The following PIK3AP1 variants were observed in gnomAD, a reference collection of about 807,000 sequenced individuals.
PIK3AP1 encodes phosphoinositide 3-kinase adapter protein 1.
Under a neutral mutation model 88.1 loss-of-function variants are expected in PIK3AP1, and 21 were observed. The observed-to-expected ratio is 0.24, with a 90% CI of 0.17 to 0.34. PIK3AP1 has a LOEUF of 0.34. Among genes scored for constraint, PIK3AP1 ranks in the 10% least tolerant of loss-of-function variants. PIK3AP1 has a pLI of 1.00. For synonymous variants in PIK3AP1, 398 were observed against 400.0 expected, an observed-to-expected ratio of 1.00 and a Z score of 0.06; for missense variants, 828 against 1,035.7, an observed-to-expected ratio of 0.80 and a Z score of 2.75.
chr10:96,645,594 C>T lies in PIK3AP1; in HGVS notation c.1254G>A (p.Val418=). The change falls in exon 8 of 17, where the codon GTG becomes GTA. Residue 418 remains valine, a synonymous_variant. Transcript: ENST00000339364. ...ELMHGEEADA[V]YESMAHLSTD... ...TGGAAAGGTGGGCCATGGACTCGTA[C>T]ACAGCATCAGCCTCCTCCCCGTGCA... The T allele has an allele frequency of 1.9e-6, 3 of 1,613,660 alleles. No individual in the cohort carries two copies. The highest frequency in any genetic ancestry group is 1.7e-6 in the Non-Finnish European group (2 of 1,179,794).
rs1044994969 is a variant in PIK3AP1, at chr10:96,709,598, G to A, written c.399C>T (p.Tyr133=). The change falls in exon 2 of 17, where the codon TAC becomes TAT. Residue 133 remains tyrosine, a synonymous_variant. Transcript: ENST00000339364. ...ELTCDDEPET[Y]VAAVKKAISE... is the part of the protein sequence containing the mutation. Reference sequence around the variant, plus strand: ...AAATGGCTTTTTTCACAGCTGCCACGTAGGTCTCTGGCTCATCGTCACAGG... The same window carrying A: ...AAATGGCTTTTTTCACAGCTGCCACATAGGTCTCTGGCTCATCGTCACAGG... The A allele has an allele frequency of 9.3e-6, 15 of 1,612,284 alleles. No individual in the cohort carries two copies. The highest frequency in any genetic ancestry group is 1.7e-5 in the Admixed American group (1 of 59,550).
Position 96,709,739 on chromosome 10 carries a change from G to A in PIK3AP1, c.258C>T (p.Pro86=). 6.2e-7 allele frequency: 1 copy of A among 1,614,090 alleles called. No individual in the cohort carries two copies. Among genetic ancestry groups the A allele is most frequent in the South Asian group, 1.1e-5 (1 of 91,062 alleles). The change falls in exon 2 of 17, where the codon CCC becomes CCT. Residue 86 remains proline (P), a synonymous_variant. Coordinates refer to ENST00000339364, the MANE Select transcript of PIK3AP1 (RefSeq NM_152309.3). ...VQHFHKPALL[P]LLQRAFHPPH... is the part of the protein sequence containing the mutation. ...GAGGATGGAAAGCTCTCTGCAGCAGGGGCAGCAAGGCGGGCTTGTGGAAGT... is the reference window on the plus strand; with the variant it reads ...GAGGATGGAAAGCTCTCTGCAGCAGAGGCAGCAAGGCGGGCTTGTGGAAGT...
chr10:96,598,676 T>C (rs1048459080), intron 16 of PIK3AP1, among the ~76,000 whole-genome samples: 1 of 152,178 alleles, frequency 6.6e-6, no homozygotes, highest in Non-Finnish European at 1.5e-5. Flanking sequence ...ATAGAAGTGC[T>C]TGGGAAACCA....
At chr10:96,607,714 C>T (rs1015218023) in intron 14 of PIK3AP1, among the ~76,000 whole-genome samples, 3 of 152,166 alleles carry the variant, frequency 2.0e-5, no homozygotes, top group East Asian at 3.9e-4. Context: ...TTAAAGGCCA[C>T]GTGTAGAGAG....
chr10:96,647,283 G>C (rs1468716475), intron 7 of PIK3AP1, among the ~76,000 whole-genome samples: 2 of 152,204 alleles, frequency 1.3e-5, no homozygotes, highest in African/African-American at 2.4e-5. Context: ...GCCCTGAATA[G>C]TCTGTGGCCC....
At chr10:96,684,389 C>T (rs1473948552) in intron 2 of PIK3AP1, among the ~76,000 whole-genome samples, 3 of 152,196 alleles carry the variant, frequency 2.0e-5, no homozygotes, top group South Asian at 2.1e-4. Flanking sequence ...TCTAGTGGAA[C>T]GGCAGTGGAT....
intron 2 of PIK3AP1, among the ~76,000 whole-genome samples, chr10:96,681,498 C>T (rs1170334835): frequency 6.6e-6 from 1 of 152,200 alleles, no homozygotes; most frequent in Non-Finnish European, 1.5e-5. Context: ...TCCAATTATT[C>T]TCTCATATTA....
intron 10 of PIK3AP1, 39 bp from the exon 11 acceptor site, chr10:96,623,576 C>A: frequency 6.7e-7 from 1 of 1,485,858 alleles, no homozygotes; most frequent in South Asian, 1.1e-5. Flanking sequence ...GAAAAAGTAT[C>A]AAAATCCAGT....
chr10:96,620,464 G>T lies in PIK3AP1; in HGVS notation c.1829C>A (p.Thr610Asn). 1 of 1,614,154 alleles carries T rather than the reference G, an allele frequency of 6.2e-7. No homozygotes were observed. The highest frequency in any genetic ancestry group is 8.5e-7 in the Non-Finnish European group (1 of 1,180,018). ...MKTPGQRQLI[T>N]LQEQVKLGIV... Reference sequence around the variant, plus strand: ...GCCCAGCTTCACCTGCTCCTGGAGGGTGATAAGCTGCCGCTGGCCTGGCGT... The same window carrying T: ...GCCCAGCTTCACCTGCTCCTGGAGGTTGATAAGCTGCCGCTGGCCTGGCGT... The change falls in exon 12 of 17, where the codon ACC becomes AAC. Residue 610 changes from threonine to asparagine, a missense_variant. Transcript: ENST00000339364.
intron 2 of PIK3AP1, among the ~76,000 whole-genome samples, chr10:96,697,975 CT>C (rs1191767107): frequency 6.6e-6 from 1 of 152,140 alleles, no homozygotes; most frequent in Non-Finnish European, 1.5e-5. Context: ...TTTATAAATC[CT>C]GGCAGACTTT....
At chr10:96,672,067 T>C (rs1321359618) in intron 2 of PIK3AP1, among the ~76,000 whole-genome samples, 1 of 152,054 alleles carries the variant, frequency 6.6e-6, no homozygotes, top group Non-Finnish European at 1.5e-5. Flanking sequence ...AATACAGTCA[T>C]GGTGGTCACA....
intron 10 of PIK3AP1, among the ~76,000 whole-genome samples, chr10:96,625,008 C>T (rs747534593): frequency 3.4e-4 from 52 of 152,208 alleles, no homozygotes; most frequent in Non-Finnish European, 7.1e-4. Context: ...GATTCAAGTG[C>T]AAGTTGTCTA....
chr10:96,709,886 G>A lies in PIK3AP1; in HGVS notation c.111C>T (p.Val37=). ...LQTLFLSSRQ[V]RSQKILTHRL... The stretch of plus-strand genomic sequence containing the variant: ...TGTGAGTCAGTATCTTCTGGCTGCG[G>A]ACCTGCCGACTGGACAGGAACAGGG... Residue 37 remains valine (V), a synonymous_variant, in exon 2 of 17, where the codon GTC becomes GTT. Coordinates refer to ENST00000339364, the MANE Select transcript of PIK3AP1 (RefSeq NM_152309.3). 1 of 1,613,680 alleles carries A rather than the reference G, an allele frequency of 6.2e-7. No individual in the cohort carries two copies. Among genetic ancestry groups the A allele is most frequent in the Non-Finnish European group, 8.5e-7 (1 of 1,179,944 alleles).
intron 2 of PIK3AP1, among the ~76,000 whole-genome samples, chr10:96,670,035 C>A (rs562212062): frequency 6.6e-6 from 1 of 150,916 alleles, no homozygotes; most frequent in East Asian, 2.0e-4. Context: ...ATTAGCCGGG[C>A]GTGGTGGCAC....
At chr10:96,617,867 C>T (rs1288220053) in intron 12 of PIK3AP1, among the ~76,000 whole-genome samples, 2 of 152,112 alleles carry the variant, frequency 1.3e-5, no homozygotes, top group Non-Finnish European at 2.9e-5. Flanking sequence ...GCCTGGGGCA[C>T]TCAGGGGGAC....
intron 6 of PIK3AP1, among the ~76,000 whole-genome samples, chr10:96,650,150 T>C (rs1360405445): frequency 6.6e-6 from 1 of 152,160 alleles, no homozygotes; most frequent in Non-Finnish European, 1.5e-5. Flanking sequence ...TAGTCACATC[T>C]ACAAAAGTGC....
chr10:96,628,038 A>G (rs556320515), intron 9 of PIK3AP1, among the ~76,000 whole-genome samples: 1 of 152,318 alleles, frequency 6.6e-6, no homozygotes, highest in Non-Finnish European at 1.5e-5. Context: ...GGCATTGATC[A>G]TATCTTATTT....
chr10:96,629,924 A>G lies in PIK3AP1; in HGVS notation c.1376-1431T>C, dbSNP rs1208470750. Among the ~76,000 whole-genome samples, 26 of 57,894 alleles carry G rather than the reference A, an allele frequency of 4.5e-4. 1 individual carries two copies. The East Asian group carries it at 0.012, about 28-fold the overall frequency. 38.0% of individuals were successfully genotyped at this position (57,894 alleles called of 152,430 possible). On this transcript the variant is annotated intron_variant, in intron 8 of 16. Transcript: ENST00000339364. ...CAACAACAACCAAAAAAAAAAAAAAAAAAAAAAAGAAGAAGAAGAAGAAGA... is the reference window on the plus strand; with the variant it reads ...CAACAACAACCAAAAAAAAAAAAAAGAAAAAAAAGAAGAAGAAGAAGAAGA...
chr10:96,683,394 G>T (rs990974360), intron 2 of PIK3AP1, among the ~76,000 whole-genome samples: 2 of 152,150 alleles, frequency 1.3e-5, no homozygotes, highest in African/African-American at 4.8e-5. Context: ...TGTAAGAGAG[G>T]CCTTGAATAT....
Sources: allele counts gnomAD v4.1 joint callset (sites outside exome capture counted in the v4.1 genomes callset), GRCh38; gene constraint gnomAD v4.1.1; transcripts MANE v1.5; gene names NCBI Gene and HGNC (gene_info 2026-07-23, HGNC 2026-07-21).